Variants in PRKG1 observed in about 807,000 individuals in gnomAD.
The protein encoded by PRKG1 is cGMP-dependent protein kinase 1.
A neutral mutation model predicts 88.1 loss-of-function variants in PRKG1; 35 were observed. The ratio of observed to expected loss-of-function variants is 0.40; its 90% CI spans 0.30 to 0.53. PRKG1 has a LOEUF of 0.53. PRKG1 is among the 20% of genes least tolerant of loss of function. The pLI, the probability that PRKG1 is intolerant of heterozygous loss-of-function variation, is 0.59. For synonymous variants in PRKG1, 303 were observed against 292.5 expected (o/e 1.04, Z -0.37); for missense variants, 540 against 839.8 (o/e 0.64, Z 4.41).
At chr10:52,123,411 T>C (rs1032628895) in intron 7 of PRKG1, among the ~76,000 whole-genome samples, 1 of 152,150 alleles carries the variant, frequency 6.6e-6, no homozygotes, top group African/African-American at 2.4e-5. Context: ...TTTTGGGTCA[T>C]GTTACGAGTC....
intron 1 of PRKG1, among the ~76,000 whole-genome samples, chr10:51,009,267 G>T (rs749046457): frequency 6.6e-6 from 1 of 152,096 alleles, no homozygotes; most frequent in South Asian, 2.1e-4. Flanking sequence ...ATTTTCTTTG[G>T]TGTATTTATC....
chr10:52,237,389 G>A (rs1272717611), intron 9 of PRKG1, among the ~76,000 whole-genome samples: 3 of 129,582 alleles, frequency 2.3e-5, no homozygotes, highest in African/African-American at 6.2e-5. Context: ...GTCCCTGTTT[G>A]CAGACGACAT....
chr10:51,120,196 TA>T (rs2131913804), intron 1 of PRKG1, among the ~76,000 whole-genome samples: 1 of 152,238 alleles, frequency 6.6e-6, no homozygotes, highest in South Asian at 2.1e-4. Context: ...CCATTATAAA[TA>T]ACAAAGTGTG....
intron 5 of PRKG1, among the ~76,000 whole-genome samples, chr10:52,016,673 T>C (rs955305108): frequency 6.6e-6 from 1 of 152,228 alleles, no homozygotes; most frequent in Non-Finnish European, 1.5e-5. Flanking sequence ...ATTTTCTAAA[T>C]CCTTTATTAT....
chr10:52,258,482 A>T (rs1841357718), intron 10 of PRKG1, among the ~76,000 whole-genome samples: 2 of 151,398 alleles, frequency 1.3e-5, no homozygotes, highest in Non-Finnish European at 3.0e-5. Flanking sequence ...TGTGAGGAGA[A>T]CATGAGACAT....
chr10:51,480,048 C>A (rs976711392), intron 3 of PRKG1, among the ~76,000 whole-genome samples: 1 of 151,974 alleles, frequency 6.6e-6, no homozygotes, highest in Admixed American at 6.6e-5. Context: ...TATTTACAAC[C>A]GTGTCATTAA....
intron 9 of PRKG1, among the ~76,000 whole-genome samples, chr10:52,249,964 G>T (rs1038347913): frequency 6.6e-6 from 1 of 152,202 alleles, no homozygotes; most frequent in East Asian, 1.9e-4. Flanking sequence ...TATCCAGGCG[G>T]CCAGGAAATG....
chr10:52,038,832 T>C (rs1372493560), intron 5 of PRKG1, among the ~76,000 whole-genome samples: 1 of 152,078 alleles, frequency 6.6e-6, no homozygotes, highest in African/African-American at 2.4e-5. Context: ...GATAAAAACA[T>C]GTCTCCTTTG....
intron 4 of PRKG1, among the ~76,000 whole-genome samples, chr10:51,827,393 C>T (rs1352544592): frequency 6.6e-6 from 1 of 152,050 alleles, no homozygotes; most frequent in Non-Finnish European, 1.5e-5. Flanking sequence ...TCAGTAAGAA[C>T]TTGGTTATGC....
chr10:51,676,940 T>C (rs1840725826), intron 3 of PRKG1, among the ~76,000 whole-genome samples: 1 of 152,152 alleles, frequency 6.6e-6, no homozygotes, highest in African/African-American at 2.4e-5. Flanking sequence ...ACTACACAAA[T>C]CATAAGTGTA....
chr10:51,333,044 C>T (rs1207252159), intron 2 of PRKG1, among the ~76,000 whole-genome samples: 1 of 152,174 alleles, frequency 6.6e-6, no homozygotes, highest in Non-Finnish European at 1.5e-5. Context: ...ACATAACTTG[C>T]CACAAGCCAC....
At chr10:52,003,796 T>C (rs2133154588) in intron 5 of PRKG1, among the ~76,000 whole-genome samples, 1 of 152,318 alleles carries the variant, frequency 6.6e-6, no homozygotes, top group East Asian at 1.9e-4. Flanking sequence ...AATCCTGGTT[T>C]TCCTCTCATA....
At chr10:51,391,231 G>C (rs889774194) in intron 2 of PRKG1, among the ~76,000 whole-genome samples, 1 of 152,192 alleles carries the variant, frequency 6.6e-6, no homozygotes, top group African/African-American at 2.4e-5. Flanking sequence ...TAGAATGAAT[G>C]ATTATAAAAC....
intron 5 of PRKG1, among the ~76,000 whole-genome samples, chr10:51,963,714 C>A (rs559656237): frequency 2.0e-5 from 3 of 152,218 alleles, no homozygotes; most frequent in South Asian, 2.1e-4. Flanking sequence ...TCCCCACATG[C>A]TGGGATTACA....
At chr10:51,802,705 C>G (rs1839205991) in intron 3 of PRKG1, among the ~76,000 whole-genome samples, 1 of 151,922 alleles carries the variant, frequency 6.6e-6, no homozygotes, top group African/African-American at 2.4e-5. Context: ...ATGATACAGA[C>G]CTGGGAGAGA....
intron 9 of PRKG1, among the ~76,000 whole-genome samples, chr10:52,199,811 A>G (rs1337565515): frequency 6.6e-6 from 1 of 152,178 alleles, no homozygotes. Context: ...TATTTGTGCT[A>G]GGACAACCAG....
intron 5 of PRKG1, among the ~76,000 whole-genome samples, chr10:51,965,381 G>T (rs901954410): frequency 6.6e-6 from 1 of 152,110 alleles, no homozygotes; most frequent in Admixed American, 6.6e-5. Flanking sequence ...ATGGCCTCCA[G>T]CTCCATCCAT....
intron 8 of PRKG1, among the ~76,000 whole-genome samples, chr10:52,140,925 A>G (rs1388994049): frequency 2.0e-5 from 3 of 152,110 alleles, no homozygotes; most frequent in Non-Finnish European, 4.4e-5. Flanking sequence ...CCGTTGTCAC[A>G]TTGCTTAACT....
chr10:51,110,745 C>A (rs893763262), intron 1 of PRKG1, among the ~76,000 whole-genome samples: 14 of 151,846 alleles, frequency 9.2e-5, no homozygotes, highest in Admixed American at 1.3e-4. Flanking sequence ...AAGAGAGCTG[C>A]TAAAAATTAG....
Sources: gnomAD v4.1 joint callset for allele counts (sites outside exome capture counted in the v4.1 genomes callset) on GRCh38, gnomAD v4.1.1 for gene constraint, MANE v1.5 for transcripts, NCBI Gene and HGNC (gene_info 2026-07-23, HGNC 2026-07-21) for gene names.